Variants in DPF2 observed in about 807,000 individuals in gnomAD.
DPF2 encodes the protein zinc finger protein ubi-d4.
Under a neutral mutation model 59.6 loss-of-function variants are expected in DPF2, and 10 were observed. That is an observed-to-expected ratio of 0.17 (90% confidence interval 0.10 to 0.28). The LOEUF (loss-of-function observed/expected upper bound fraction) is 0.28, where lower values mean the gene tolerates loss of function less well. DPF2 is among the 10% of genes least tolerant of loss of function. The pLI is 1.00. For synonymous variants in DPF2, 189 were observed against 190.6 expected, an observed-to-expected ratio of 0.99 and a Z score of 0.07; for missense variants, 315 against 509.4, an observed-to-expected ratio of 0.62 and a Z score of 3.67.
chr11:65,343,267 C>G (rs1429442307), intron 4 of DPF2, among the ~76,000 whole-genome samples: 2 of 148,378 alleles, frequency 1.3e-5, no homozygotes, highest in East Asian at 3.9e-4. Context: ...CCATTGCACT[C>G]CAGCCTGGGC....
intron 9 of DPF2, 167 bp downstream of exon 9, chr11:65,346,526 A>T: frequency 3.3e-6 from 2 of 614,712 alleles, no homozygotes; most frequent in South Asian, 4.0e-5. Context: ...GTTGCCAGAT[A>T]TATATTGAGT....
In DPF2 at chr11:65,343,763, G is replaced by T; in HGVS notation, c.484G>T (p.Asp162Tyr). The T allele has an allele frequency of 6.3e-7, 1 of 1,597,936 alleles. No individual in the cohort carries two copies. The highest frequency in any genetic ancestry group is 1.3e-5 in the African/African-American group (1 of 74,716). The change falls in exon 5 of 11, where the codon GAC (aspartate) becomes TAC (tyrosine). Residue 162 changes from aspartate (D) to tyrosine (Y), a missense_variant. Asp to Tyr is a radical substitution (Grantham distance 160, BLOSUM62 -3). Transcript: ENST00000528416. ...RARKRILEPDDFLDDLDDEDY... is the reference protein window; with the variant it reads ...RARKRILEPDYFLDDLDDEDY... ...CACTCAGCGGATCCTAGAACCAGAT[G>T]ACTTCCTGGATGACCTCGATGATGA...
intron 1 of DPF2, among the ~76,000 whole-genome samples, chr11:65,337,349 A>AC (rs1854191895): frequency 6.7e-6 from 1 of 149,476 alleles, no homozygotes; most frequent in African/African-American, 2.5e-5. Flanking sequence ...AGGCAAGAGA[A>AC]TCGTTGGAAC....
At chr11:65,335,962 C>T (rs1003332094) in intron 1 of DPF2, among the ~76,000 whole-genome samples, 1 of 151,866 alleles carries the variant, frequency 6.6e-6, no homozygotes, top group Admixed American at 6.6e-5. Flanking sequence ...TACAGGTGCC[C>T]ACCACCACAC....
Position 65,352,865 on chromosome 11 carries a change from C to T in DPF2, c.*1106C>T, listed in dbSNP as rs1335962981. 3 of 152,534 alleles carry T rather than the reference C, an allele frequency of 2.0e-5. No individual in the cohort carries two copies. The highest frequency in any genetic ancestry group is 7.2e-5 in the African/African-American group (3 of 41,434). 9.4% of individuals were successfully genotyped at this position (152,534 alleles called of 1,614,324 possible). ...CAGGACACCCTGGAGTAGCCTTCCCCCTTGGCCGTGGGCAGGCCCTAACTC... is the reference window on the plus strand; with the variant it reads ...CAGGACACCCTGGAGTAGCCTTCCCTCTTGGCCGTGGGCAGGCCCTAACTC... On this transcript the variant is annotated 3_prime_UTR_variant, in exon 11 of 11. Coordinates refer to ENST00000528416, the MANE Select transcript of DPF2 (RefSeq NM_006268.5).
intron 1 of DPF2, 76 bp downstream of exon 1, chr11:65,333,994 G>A: frequency 1.3e-6 from 2 of 1,573,372 alleles, no homozygotes; most frequent in Non-Finnish European, 1.7e-6. Flanking sequence ...GTGGGGGAAG[G>A]GACTAGGCGG....
chr11:65,346,679 C>G (rs1048871208), intron 9 of DPF2: 11 of 233,272 alleles, frequency 4.7e-5, no homozygotes, highest in Admixed American at 2.7e-4. Flanking sequence ...ATGAAAAAAA[C>G]GAAATCAGTA....
Position 65,344,795 on chromosome 11 carries a change from C to T in DPF2, c.637+726C>T, listed in dbSNP as rs1008427321. 12 of 693,240 alleles carry T rather than the reference C, an allele frequency of 1.7e-5. 1 individual carries two copies. Among genetic ancestry groups the T allele is most frequent in the Non-Finnish European group, 2.8e-5 (12 of 421,338 alleles). The allele number at this position is 693,240 out of a possible 1,614,324, so 42.9% of individuals were successfully genotyped here. ...CTACTCCTCAAAGTCCTGAAGGCTG[C>T]CTTTACCACTGCTTGTTTCCCACAA... On this transcript the variant is annotated intron_variant, in intron 6 of 10. Transcript: ENST00000528416.
At chr11:65,346,499 A>T (rs1854535372) in intron 9 of DPF2, 140 bp downstream of exon 9, 1 of 680,870 alleles carries the variant, frequency 1.5e-6, no homozygotes, top group East Asian at 2.8e-5. Context: ...CTAGCATCTC[A>T]GTCAGAACTC....
At chr11:65,348,096 G>A (rs1854589910) in intron 9 of DPF2, 2 of 152,250 alleles carry the variant, frequency 1.3e-5, no homozygotes, top group Non-Finnish European at 2.9e-5. Flanking sequence ...ACCAGCCTGA[G>A]CAACATAGGG....
intron 1 of DPF2, 22 bp from the exon 2 acceptor site, chr11:65,340,363 C>A (rs761516426): frequency 1.2e-6 from 2 of 1,612,878 alleles, no homozygotes. Context: ...ACATACACGC[C>A]TGATTTCTAT....
chr11:65,341,614 C>T (rs1854376974), intron 4 of DPF2, 52 bp downstream of exon 4: 3 of 1,604,326 alleles, frequency 1.9e-6, no homozygotes, highest in African/African-American at 1.3e-5. Flanking sequence ...TCAGCCTCCT[C>T]TTCACTGGGG....
intron 9 of DPF2, chr11:65,348,611 G>GAA (rs56032535): frequency 0.064 from 15,220 of 237,532 alleles, 7 homozygotes; most frequent in South Asian, 0.098. Flanking sequence ...GGGCTTTAGG[G>GAA]AAAAAAAAAA....
At chr11:65,344,946 C>T (rs1221804270) in intron 6 of DPF2, 1 of 357,462 alleles carries the variant, frequency 2.8e-6, no homozygotes, top group African/African-American at 2.1e-5. Flanking sequence ...CTCATGTTCC[C>T]CACTGCCCCA....
Position 65,353,796 on chromosome 11 carries a change from G to C in DPF2, c.*2037G>C, listed in dbSNP as rs1016025244. Among the ~76,000 whole-genome samples, 10 of 152,180 alleles carry C rather than the reference G, an allele frequency of 6.6e-5. No individual in the cohort carries two copies. The highest frequency in any genetic ancestry group is 2.4e-4 in the African/African-American group (10 of 41,430). ...CACTGTTATGTTCAATAAATAAGCA[G>C]GGTGCTCTGGGCTGGGGATTGTGTG... On this transcript the variant is annotated 3_prime_UTR_variant, in exon 11 of 11. Coordinates refer to ENST00000528416, the MANE Select transcript of DPF2 (RefSeq NM_006268.5).
chr11:65,338,123 G>A (rs975041559), intron 1 of DPF2, among the ~76,000 whole-genome samples: 2 of 151,548 alleles, frequency 1.3e-5, no homozygotes, highest in African/African-American at 2.4e-5. Flanking sequence ...ATTTTTTAAC[G>A]TTTTGTAGAG....
rs763050135 is a variant in DPF2 at position 65,346,362 on chromosome 11, G to A, written c.1017+3G>A. On this transcript the variant is annotated splice_donor_region_variant and intron_variant, in intron 9 of 10. Coordinates refer to ENST00000528416, the MANE Select transcript of DPF2 (RefSeq NM_006268.5). The stretch of plus-strand genomic sequence containing the variant: ...TCTGCGGCACCTCCGAGAATGACGT[G>A]TGTATCCCCGCCCCCTCCTCAGCAT... The A allele has an allele frequency of 5.6e-6, 9 of 1,610,764 alleles. No homozygotes were observed. The highest frequency in any genetic ancestry group is 7.6e-6 in the Non-Finnish European group (9 of 1,179,510).
intron 10 of DPF2, among the ~76,000 whole-genome samples, chr11:65,349,971 G>C (rs974217771): frequency 6.6e-6 from 1 of 152,172 alleles, no homozygotes; most frequent in African/African-American, 2.4e-5. Flanking sequence ...CACCCCTCTA[G>C]AGAATGAGGC....
chr11:65,334,047 G>T, intron 1 of DPF2, 129 bp downstream of exon 1: 4 of 1,347,440 alleles, frequency 3.0e-6, no homozygotes, highest in Non-Finnish European at 4.1e-6. Flanking sequence ...GACTCCTGGT[G>T]GGGAGGGCAA....
Sources: allele counts gnomAD v4.1 joint callset (sites outside exome capture counted in the v4.1 genomes callset), GRCh38; gene constraint gnomAD v4.1.1; transcripts MANE v1.5; gene names NCBI Gene and HGNC (gene_info 2026-07-23, HGNC 2026-07-21).